DTNB: variants seen among roughly 807,000 people sequenced by gnomAD.
DTNB encodes dystrobrevin beta.
Under a neutral mutation model 90.7 loss-of-function variants are expected in DTNB, and 63 were observed. That is an observed-to-expected ratio of 0.69 (90% confidence interval 0.57 to 0.86). The LOEUF (loss-of-function observed/expected upper bound fraction) is 0.86, where lower values mean the gene tolerates loss of function less well. Among genes scored for constraint, DTNB ranks in the 40% least tolerant of loss-of-function variants. DTNB has a pLI of 0.00. For missense variants in DTNB, 744 were observed against 807.1 expected, an observed-to-expected ratio of 0.92 and a Z score of 0.95; for synonymous variants, 277 against 286.7, an observed-to-expected ratio of 0.97 and a Z score of 0.34.
intron 7 of DTNB, among the ~76,000 whole-genome samples, chr2:25,577,626 C>G (rs1474874219): frequency 1.3e-5 from 2 of 152,094 alleles, no homozygotes; most frequent in South Asian, 2.1e-4. Context: ...TGTTACAGAT[C>G]ACTATTTATA....
At chr2:25,658,417 T>C (rs529945068) in intron 1 of DTNB, among the ~76,000 whole-genome samples, 2 of 152,298 alleles carry the variant, frequency 1.3e-5, no homozygotes, top group African/African-American at 4.8e-5. Context: ...ATTGCACTGC[T>C]AGGTGTTTGC....
At position 25,628,147 on chromosome 2, in the gene DTNB, CGT is replaced by C; in HGVS notation, c.362+22_362+23del. Reference sequence around the variant, plus strand: ...ACAGGTGTTCTTAAAATGAAGTAAGCGTGTAAGGTAAGGTACTACTAGCCTGT... The same window carrying C: ...ACAGGTGTTCTTAAAATGAAGTAAGCGTAAGGTAAGGTACTACTAGCCTGT... On this transcript the variant is annotated intron_variant, in intron 4 of 20. Coordinates refer to ENST00000406818, the MANE Select transcript of DTNB (RefSeq NM_021907.5). The C allele has an allele frequency of 1.9e-6, 3 of 1,603,804 alleles. No individual in the cohort carries two copies. In the South Asian group the frequency reaches 3.3e-5, roughly 18 times the overall value.
rs1243106475 is a variant in DTNB at position 25,420,737 on chromosome 2, C to T, written c.1555-1202G>A. ...ACCTCAGGTGATCCGCCTACCTTGGCCTCCCAAAGTGTTGGGATTACAGGT... is the reference window on the plus strand; with the variant it reads ...ACCTCAGGTGATCCGCCTACCTTGGTCTCCCAAAGTGTTGGGATTACAGGT... On this transcript the variant is annotated intron_variant, in intron 15 of 20. Transcript: ENST00000406818. 4.6e-5 allele frequency among the ~76,000 whole-genome samples: 7 copies of T among 152,178 alleles called. No homozygotes were observed. In the East Asian group the frequency reaches 1.2e-3, roughly 25 times the overall value.
chr2:25,467,343 G>C (rs2061986797), intron 10 of DTNB, among the ~76,000 whole-genome samples: 1 of 147,476 alleles, frequency 6.8e-6, no homozygotes, highest in Admixed American at 6.9e-5. Flanking sequence ...CTGTCACCTA[G>C]GCTGGAGTGC....
intron 8 of DTNB, among the ~76,000 whole-genome samples, chr2:25,535,144 C>T (rs533862723): frequency 3.5e-5 from 5 of 141,120 alleles, no homozygotes; most frequent in South Asian, 2.3e-4. Flanking sequence ...ACTTCCCATT[C>T]GGGGCAACCG....
intron 8 of DTNB, among the ~76,000 whole-genome samples, chr2:25,551,989 C>G (rs2056371446): frequency 6.6e-6 from 1 of 152,230 alleles, no homozygotes; most frequent in Non-Finnish European, 1.5e-5. Context: ...TTTTAACAAT[C>G]AAACATTTAA....
At chr2:25,415,396 GCTACCAT>G (rs569975275) in intron 16 of DTNB, among the ~76,000 whole-genome samples, 2,293 of 152,110 alleles carry the variant, frequency 0.015, 60 homozygotes, top group African/African-American at 0.05. Context: ...ACGGGTGCAT[GCTACCAT>G]GCCTGGCTAA....
intron 15 of DTNB, among the ~76,000 whole-genome samples, chr2:25,421,736 A>G (rs2049788241): frequency 6.6e-6 from 1 of 152,202 alleles, no homozygotes; most frequent in Admixed American, 6.5e-5. Flanking sequence ...CTACTTCCAC[A>G]GTTTTCTCCA....
chr2:25,482,653 A>T, intron 10 of DTNB, 143 bp downstream of exon 10: 4 of 794,312 alleles, frequency 5.0e-6, no homozygotes, highest in South Asian at 3.0e-5. Context: ...AATTAAGACT[A>T]AAAGACGGTC....
chr2:25,398,745 G>C (rs1484865181), intron 16 of DTNB, among the ~76,000 whole-genome samples: 4 of 152,088 alleles, frequency 2.6e-5, no homozygotes. Flanking sequence ...CATGCTGTCT[G>C]ATTGGCTCCT....
At chr2:25,458,561 T>C (rs2060424561) in intron 10 of DTNB, among the ~76,000 whole-genome samples, 1 of 151,756 alleles carries the variant, frequency 6.6e-6, no homozygotes, top group Non-Finnish European at 1.5e-5. Context: ...CTCAACCTCC[T>C]GGGCTGAAGC....
intron 1 of DTNB, among the ~76,000 whole-genome samples, chr2:25,665,778 A>T (rs1421098135): frequency 1.2e-3 from 43 of 35,234 alleles, no homozygotes; most frequent in African/African-American, 3.4e-3. Context: ...TTCAGATTTA[A>T]AAAAAAAAAA....
At position 25,518,267 on chromosome 2, in the gene DTNB, T is replaced by G. The variant is rs149630012; in HGVS notation, c.1001+13206A>C. On this transcript the variant is annotated intron_variant, in intron 9 of 20. Coordinates refer to ENST00000406818, the MANE Select transcript of DTNB (RefSeq NM_021907.5). ...ATGATTTGTGAAGTTTTGTGAGATT[T>G]TGAGTTTAAAAGCAGAGAGCTTTAT... Among the ~76,000 whole-genome samples the G allele has an allele frequency of 2.7e-3, 406 of 152,224 alleles. 3 individuals are homozygous for G. The highest frequency in any genetic ancestry group is 9.0e-3 in the African/African-American group (373 of 41,518).
chr2:25,517,167 A>T (rs1456315832), intron 9 of DTNB, among the ~76,000 whole-genome samples: 1 of 152,248 alleles, frequency 6.6e-6, no homozygotes, highest in African/African-American at 2.4e-5. Context: ...AACCCCAAAA[A>T]TATTATGCTA....
intron 16 of DTNB, among the ~76,000 whole-genome samples, chr2:25,401,504 G>T (rs2043704353): frequency 6.6e-6 from 1 of 152,204 alleles, no homozygotes; most frequent in Non-Finnish European, 1.5e-5. Flanking sequence ...GGAGAGAAAG[G>T]CAGTGTCTTT....
chr2:25,585,352 C>T (rs916782032), intron 6 of DTNB, among the ~76,000 whole-genome samples: 1 of 152,190 alleles, frequency 6.6e-6, no homozygotes, highest in Non-Finnish European at 1.5e-5. Context: ...AGCGAAACCA[C>T]CATGATTTAT....
At chr2:25,416,588 C>T (rs2149773268) in intron 16 of DTNB, among the ~76,000 whole-genome samples, 1 of 152,274 alleles carries the variant, frequency 6.6e-6, no homozygotes, top group South Asian at 2.1e-4. Context: ...ATCACCTGAA[C>T]CCAGGAGGCG....
Position 25,455,464 on chromosome 2 carries a change from G to A in DTNB, c.1110C>T (p.His370=), listed in dbSNP as rs2059873425. ...RLQYSQDIPS[H]LADEHALIAS... is the part of the protein sequence containing the mutation. Reference sequence around the variant, plus strand: ...CTATCAGCGCATGCTCATCGGCCAAGTGACTGGGTATATCCTGGCTATACT... The same window carrying A: ...CTATCAGCGCATGCTCATCGGCCAAATGACTGGGTATATCCTGGCTATACT... The change falls in exon 11 of 21, where the codon CAC becomes CAT. Residue 370 remains histidine (H), a synonymous_variant. Coordinates refer to ENST00000406818, the MANE Select transcript of DTNB (RefSeq NM_021907.5). 1 of 1,607,766 alleles carries A rather than the reference G, an allele frequency of 6.2e-7. No individual in the cohort carries two copies. Among genetic ancestry groups the A allele is most frequent in the African/African-American group, 1.3e-5 (1 of 74,900 alleles).
At chr2:25,574,094 C>T (rs1285307890) in intron 8 of DTNB, among the ~76,000 whole-genome samples, 1 of 152,212 alleles carries the variant, frequency 6.6e-6, no homozygotes, top group East Asian at 1.9e-4. Flanking sequence ...AAGAACTACT[C>T]ACATGGTTCC....
Sources: gnomAD v4.1 joint callset for allele counts (sites outside exome capture counted in the v4.1 genomes callset) on GRCh38, gnomAD v4.1.1 for gene constraint, MANE v1.5 for transcripts, NCBI Gene and HGNC (gene_info 2026-07-23, HGNC 2026-07-21) for gene names.